Variants in CEP68 observed in about 807,000 individuals in gnomAD.
CEP68 encodes the protein centrosomal protein 68.
In CEP68, 26 loss-of-function variants were observed where a neutral mutation model predicts 55.3. The observed-to-expected ratio is 0.47, with a 90% CI of 0.34 to 0.65. The LOEUF (loss-of-function observed/expected upper bound fraction) is 0.65. Among genes scored for constraint, CEP68 ranks in the 30% least tolerant of loss-of-function variants. CEP68 has a pLI of 0.01. For synonymous variants in CEP68, 402 were observed against 383.2 expected, an observed-to-expected ratio of 1.05 and a Z score of -0.57; for missense variants, 957 against 946.7, an observed-to-expected ratio of 1.01 and a Z score of -0.14.
chr2:65,058,538 C>T (rs1481440149), intron 1 of CEP68, among the ~76,000 whole-genome samples: 5 of 102,256 alleles, frequency 4.9e-5, no homozygotes, highest in Non-Finnish European at 7.2e-5. Flanking sequence ...GGGAGTTTCA[C>T]TCTTCTTGGC....
At chr2:65,083,548 C>G (rs758278085) in intron 6 of CEP68, 91 bp from the exon 7 acceptor site, 6 of 152,262 alleles carry the variant, frequency 3.9e-5, no homozygotes, top group Non-Finnish European at 8.8e-5. Context: ...GAGACGTCAT[C>G]TTGGTTCTAA....
chr2:65,081,684 T>C (rs573045540), intron 5 of CEP68, among the ~76,000 whole-genome samples: 2 of 151,422 alleles, frequency 1.3e-5, no homozygotes, highest in South Asian at 4.2e-4. Context: ...TAGACTGCTT[T>C]CGGGTCATTT....
chr2:65,081,496 G>GGA (rs1677015360), intron 5 of CEP68, among the ~76,000 whole-genome samples: 1 of 152,128 alleles, frequency 6.6e-6, no homozygotes, highest in African/African-American at 2.4e-5. Flanking sequence ...AGGAAACTAG[G>GGA]GAGAGTATAA....
intron 1 of CEP68, among the ~76,000 whole-genome samples, chr2:65,066,873 G>A (rs533631636): frequency 1.3e-5 from 2 of 150,702 alleles, no homozygotes; most frequent in African/African-American, 4.9e-5. Context: ...GGCGGAGGTT[G>A]CAGTGAACTG....
intron 1 of CEP68, among the ~76,000 whole-genome samples, chr2:65,059,328 T>C (rs894057595): frequency 6.6e-6 from 1 of 152,220 alleles, no homozygotes; most frequent in Admixed American, 6.5e-5. Flanking sequence ...CACATTTCCT[T>C]GTAGCTGTAA....
rs558592931 is a variant in CEP68 at position 65,071,480 on chromosome 2, C to T, written c.384C>T (p.Ser128=). 68 of 1,613,878 alleles carry T rather than the reference C, an allele frequency of 4.2e-5. 1 individual carries two copies. In the Admixed American group the frequency reaches 4.5e-4, roughly 11 times the overall value. The change falls in exon 3 of 7, where the codon TCC becomes TCT. Residue 128 remains serine, a synonymous_variant. Transcript: ENST00000377990. The part of the protein sequence containing the change: ...SQVEKTKLSS[S]EEFPQTLSLP... ...TGGAGAAGACCAAGCTTTCTTCCTCCGAGGAGTTCCCTCAGACTCTGAGCC... is the reference window on the plus strand; with the variant it reads ...TGGAGAAGACCAAGCTTTCTTCCTCTGAGGAGTTCCCTCAGACTCTGAGCC...
rs1234438063 is a variant in CEP68 at position 65,069,407 on chromosome 2, A to C, written c.-38A>C. 4.9e-6 allele frequency: 7 copies of C among 1,436,202 alleles called. No homozygotes were observed. Among genetic ancestry groups the C allele is most frequent in the Non-Finnish European group, 6.5e-6 (7 of 1,074,060 alleles). The allele number at this position is 1,436,202 out of a possible 1,614,324, so 89.0% of individuals were successfully genotyped here. A position where few individuals can be genotyped will look rare whatever the true frequency, so the allele number is the denominator to read the frequency against. ...CTTCCCCTGTTTTGTAGGAAGCTGA[A>C]GTCTTCAGCAGAACCCTGACCTAGG... On this transcript the variant is annotated 5_prime_UTR_variant, in exon 2 of 7. Coordinates refer to ENST00000377990, the MANE Select transcript of CEP68 (RefSeq NM_015147.3).
chr2:65,061,824 C>CTAA (rs780830667), intron 1 of CEP68, among the ~76,000 whole-genome samples: 7 of 152,374 alleles, frequency 4.6e-5, no homozygotes, highest in Admixed American at 2.6e-4. Context: ...CGTGTCTTTA[C>CTAA]CTCCTTTCAT....
rs1049514063 is a variant in CEP68, at chr2:65,080,461, T to C, written c.2105-2075T>C. On this transcript the variant is annotated intron_variant, in intron 5 of 6. Coordinates refer to ENST00000377990, the MANE Select transcript of CEP68 (RefSeq NM_015147.3). ...CATAGAGCCAGCCTACAAACATGTT[T>C]TGTTCCAGTCCTTCCCAACTTCTTT... The C allele has an allele frequency of 6.1e-6, 6 of 985,308 alleles. No individual in the cohort carries two copies. In the African/African-American group the frequency reaches 1.0e-4, roughly 17 times the overall value. 61.0% of individuals were successfully genotyped at this position (985,308 alleles called of 1,614,324 possible).
chr2:65,084,876 A>G lies in CEP68; in HGVS notation c.*1242A>G, dbSNP rs776703514. On this transcript the variant is annotated 3_prime_UTR_variant, in exon 7 of 7. Coordinates refer to ENST00000377990, the MANE Select transcript of CEP68 (RefSeq NM_015147.3). ...ATCATAATGCTTAAGGGCATGATCA[A>G]AATTAAAATGGCTTATGAGTTTGCC... 22 of 152,210 alleles carry G rather than the reference A, an allele frequency of 1.4e-4. No individual in the cohort carries two copies. Among genetic ancestry groups the G allele is most frequent in the Non-Finnish European group, 2.8e-4 (19 of 68,028 alleles). 9.4% of individuals were successfully genotyped at this position (152,210 alleles called of 1,614,324 possible).
intron 1 of CEP68, among the ~76,000 whole-genome samples, chr2:65,057,962 G>A (rs185492817): frequency 2.0e-4 from 31 of 152,058 alleles, no homozygotes; most frequent in African/African-American, 6.3e-4. Context: ...TAACTTCTCC[G>A]TGCCTTGGTT....
At chr2:65,082,755 G>T (rs757014002) in intron 6 of CEP68, 46 bp downstream of exon 6, 1 of 1,457,208 alleles carries the variant, frequency 6.9e-7, no homozygotes. Flanking sequence ...CAACCCTGCT[G>T]TAACAGTTGG....
In CEP68 at chr2:65,072,853, T is replaced by G; in HGVS notation, c.1757T>G (p.Leu586Arg). The G allele has an allele frequency of 6.2e-7, 1 of 1,614,182 alleles. No homozygotes were observed. Among genetic ancestry groups the G allele is most frequent in the Non-Finnish European group, 8.5e-7 (1 of 1,180,036 alleles). ...CAGGCCCTCGGGGTCTCCTCTGGAC[T>G]GCTGAAAACACGCCCCTCCTTGCCA... Reference protein sequence around the residue: ...SSQALGVSSGLLKTRPSLPAR... With the variant: ...SSQALGVSSGRLKTRPSLPAR... Residue 586 changes from leucine to arginine, a missense_variant, in exon 3 of 7, where the codon CTG (leucine) becomes CGG (arginine). Coordinates refer to ENST00000377990, the MANE Select transcript of CEP68 (RefSeq NM_015147.3).
At chr2:65,064,760 C>G (rs1161209296) in intron 1 of CEP68, among the ~76,000 whole-genome samples, 1 of 150,994 alleles carries the variant, frequency 6.6e-6, no homozygotes, top group Non-Finnish European at 1.5e-5. Flanking sequence ...AGAAATGGAG[C>G]AAGAAGTAGC....
At chr2:65,080,564 A>T in intron 5 of CEP68, 2 of 984,428 alleles carry the variant, frequency 2.0e-6, no homozygotes, top group Non-Finnish European at 2.4e-6. Context: ...CACGCCTGTA[A>T]TCTCAACACT....
At chr2:65,071,409 G>A in intron 2 of CEP68, 45 bp from the exon 3 acceptor site, 1 of 1,521,898 alleles carries the variant, frequency 6.6e-7, no homozygotes, top group East Asian at 2.3e-5. Context: ...AAGAAATTGG[G>A]TTTGATTTTT....
intron 5 of CEP68, among the ~76,000 whole-genome samples, chr2:65,078,714 T>G (rs10166312): frequency 0.01 from 1,565 of 152,176 alleles, 27 homozygotes; most frequent in African/African-American, 0.035. Context: ...GCTATTTTTT[T>G]TGTGTTTTTA....
At chr2:65,080,337 A>T (rs1676952798) in intron 5 of CEP68, 1 of 985,078 alleles carries the variant, frequency 1.0e-6, no homozygotes, top group Non-Finnish European at 1.2e-6. Context: ...GCTTGAAATA[A>T]TCAGGAATGT....
intron 1 of CEP68, among the ~76,000 whole-genome samples, chr2:65,066,745 A>AAAATATATATATATAT (rs70943620): frequency 1.7e-5 from 1 of 58,408 alleles, no homozygotes; most frequent in Non-Finnish European, 3.1e-5. Flanking sequence ...AAAAAAAAAA[A>AAAATATATATATATAT]ATATATATAT....
Sources: allele counts gnomAD v4.1 joint callset (sites outside exome capture counted in the v4.1 genomes callset), GRCh38; gene constraint gnomAD v4.1.1; transcripts MANE v1.5; gene names NCBI Gene and HGNC (gene_info 2026-07-23, HGNC 2026-07-21).